Variants in NRDC observed in about 807,000 individuals in gnomAD.
NRDC encodes nardilysin convertase.
NRDC carries 54 observed loss-of-function variants against 147.1 expected under a neutral mutation model. The ratio of observed to expected loss-of-function variants is 0.37; its 90% CI spans 0.29 to 0.46. The LOEUF is 0.46. Ranked by LOEUF, NRDC falls within the 20% of genes least tolerant of loss-of-function variation. The pLI, the probability that NRDC is intolerant of heterozygous loss-of-function variation, is 1.00. For missense variants in NRDC, 1,082 were observed against 1,370.6 expected (o/e 0.79, Z 3.33); for synonymous variants, 440 against 482.1 (o/e 0.91, Z 1.14).
At chr1:51,818,840 G>C (rs549433218) in intron 9 of NRDC, among the ~76,000 whole-genome samples, 2 of 152,236 alleles carry the variant, frequency 1.3e-5, no homozygotes, top group African/African-American at 2.4e-5. Context: ...GAATGTTTCT[G>C]CAATATTCAC....
rs1203836222 is a variant in NRDC at position 51,821,492 on chromosome 1, T to C, written c.1217+6A>G. The stretch of plus-strand genomic sequence containing the variant: ...GGTGTATGATGTATGAAAATAAATA[T>C]CTTACTTGTTTGGTATCTGAGAGAA... On this transcript the variant is annotated splice_donor_region_variant and intron_variant, in intron 8 of 30. Coordinates refer to ENST00000352171, the MANE Select transcript of NRDC (RefSeq NM_001101662.2). The C allele has an allele frequency of 1.9e-6, 3 of 1,571,866 alleles. No individual in the cohort carries two copies. Among genetic ancestry groups the C allele is most frequent in the Non-Finnish European group, 2.6e-6 (3 of 1,141,808 alleles).
chr1:51,812,152 T>A (rs1679752691), intron 14 of NRDC, 54 bp from the exon 15 acceptor site: 5 of 1,222,114 alleles, frequency 4.1e-6, no homozygotes, highest in Non-Finnish European at 6.1e-6. Context: ...TATATTTGAT[T>A]TACCACAACA....
chr1:51,819,014 T>C (rs1276760000), intron 9 of NRDC, among the ~76,000 whole-genome samples: 1 of 152,076 alleles, frequency 6.6e-6, no homozygotes, highest in Non-Finnish European at 1.5e-5. Flanking sequence ...CAGAAAGAAA[T>C]CTGGAGGCCG....
chr1:51,818,799 C>T (rs928308926), intron 9 of NRDC, among the ~76,000 whole-genome samples: 4 of 151,818 alleles, frequency 2.6e-5, no homozygotes, highest in Non-Finnish European at 2.9e-5. Context: ...AAAAATCTGC[C>T]GTGATAGAAT....
At chr1:51,871,847 C>A (rs1292449366) in intron 1 of NRDC, among the ~76,000 whole-genome samples, 1 of 152,064 alleles carries the variant, frequency 6.6e-6, no homozygotes, top group African/African-American at 2.4e-5. Context: ...TCATTCAGTT[C>A]TTTAAAAACA....
chr1:51,790,577 C>T lies in NRDC; in HGVS notation c.3124G>A (p.Glu1042Lys). Reference sequence around the variant, plus strand: ...AAGAGGTACTGCTGTGTAACCACTTCATTCCAGTTCCTATCCACCTCCTCC... The same window carrying T: ...AAGAGGTACTGCTGTGTAACCACTTTATTCCAGTTCCTATCCACCTCCTCC... The part of the protein sequence containing the change: ...LGEEVDRNWN[E>K]VVTQQYLFDR... Residue 1042 changes from glutamate (E) to lysine (K), a missense_variant, in exon 29 of 31, where the codon GAA (glutamate) becomes AAA (lysine). By Grantham distance (56) the Glu-to-Lys change is moderately conservative (BLOSUM62 1). Transcript: ENST00000352171. 1 of 1,614,104 alleles carries T rather than the reference C, an allele frequency of 6.2e-7. No homozygotes were observed. Among genetic ancestry groups the T allele is most frequent in the Non-Finnish European group, 8.5e-7 (1 of 1,179,932 alleles).
At chr1:51,836,710 C>T (rs944666683) in intron 2 of NRDC, among the ~76,000 whole-genome samples, 2 of 151,894 alleles carry the variant, frequency 1.3e-5, no homozygotes, top group Admixed American at 1.3e-4. Context: ...AATAAGATAA[C>T]ATTTTAGGAA....
intron 1 of NRDC, among the ~76,000 whole-genome samples, chr1:51,876,117 C>G (rs187459002): frequency 6.6e-6 from 1 of 152,272 alleles, no homozygotes; most frequent in East Asian, 1.9e-4. Context: ...GTAGCTGAAA[C>G]ACAGTGTAGA....
chr1:51,806,643 G>A (rs1469255388), intron 18 of NRDC, 151 bp downstream of exon 18: 5 of 662,068 alleles, frequency 7.6e-6, no homozygotes, highest in Non-Finnish European at 1.0e-5. Flanking sequence ...GGGAGGGTGA[G>A]AGGGCATCAA....
At position 51,813,040 on chromosome 1, in the gene NRDC, G is replaced by A. The variant is rs1015538336; in HGVS notation, c.1675-942C>T. 3.1e-4 allele frequency among the ~76,000 whole-genome samples: 47 copies of A among 151,718 alleles called. 1 individual carries two copies. The highest frequency in any genetic ancestry group is 1.1e-3 in the African/African-American group (46 of 41,306). ...CATGCCTGTGATCCTACCACTTTGG[G>A]AGGCCAATGAGGGAGGATAACTTGA... On this transcript the variant is annotated intron_variant, in intron 14 of 30. Coordinates refer to ENST00000352171, the MANE Select transcript of NRDC (RefSeq NM_001101662.2).
intron 4 of NRDC, among the ~76,000 whole-genome samples, chr1:51,831,124 A>C (rs1680687252): frequency 6.6e-6 from 1 of 152,210 alleles, no homozygotes; most frequent in Non-Finnish European, 1.5e-5. Context: ...AATAAAAATA[A>C]ATGTGTAAGG....
At chr1:51,829,431 G>A (rs1449324379) in intron 4 of NRDC, among the ~76,000 whole-genome samples, 3 of 152,202 alleles carry the variant, frequency 2.0e-5, no homozygotes, top group Admixed American at 6.5e-5. Context: ...TTCAGAGCAC[G>A]AAGTTGAGTA....
intron 8 of NRDC, among the ~76,000 whole-genome samples, chr1:51,820,882 T>G (rs1370711635): frequency 6.6e-6 from 1 of 152,248 alleles, no homozygotes; most frequent in East Asian, 1.9e-4. Context: ...TTGTAAACTT[T>G]GTAACAAAAA....
intron 14 of NRDC, among the ~76,000 whole-genome samples, chr1:51,813,014 TCATG>T (rs1401651704): frequency 1.4e-5 from 2 of 147,780 alleles, no homozygotes; most frequent in Non-Finnish European, 3.0e-5. Context: ...GCATGGTGGC[TCATG>T]CCTGTGATCC....
At chr1:51,877,942 C>T in intron 1 of NRDC, 3 of 995,686 alleles carry the variant, frequency 3.0e-6, no homozygotes, top group Non-Finnish European at 3.8e-6. Flanking sequence ...TATCCAACTC[C>T]GTCAACCTTT....
intron 1 of NRDC, among the ~76,000 whole-genome samples, chr1:51,841,379 C>T (rs1347172662): frequency 6.6e-6 from 1 of 152,132 alleles, no homozygotes; most frequent in Non-Finnish European, 1.5e-5. Context: ...ACGATCTCAG[C>T]TCACTGCAGC....
chr1:51,815,327 A>G (rs1679917943), intron 11 of NRDC, among the ~76,000 whole-genome samples: 2 of 151,802 alleles, frequency 1.3e-5, no homozygotes, highest in South Asian at 4.2e-4. Flanking sequence ...TGGCCTCACC[A>G]TTTTTGAACC....
chr1:51,832,629 C>T (rs774570996), intron 4 of NRDC, among the ~76,000 whole-genome samples: 2 of 152,082 alleles, frequency 1.3e-5, no homozygotes, highest in Non-Finnish European at 2.9e-5. Context: ...CTTTTTTCTA[C>T]TTTTCTACTT....
intron 25 of NRDC, 121 bp from the exon 26 acceptor site, chr1:51,792,219 T>C: frequency 3.6e-6 from 5 of 1,394,454 alleles, no homozygotes; most frequent in Non-Finnish European, 5.1e-6. Context: ...TTTTCCTAAT[T>C]GGCCCAGGCT....
Sources: gnomAD v4.1 joint callset for allele counts (sites outside exome capture counted in the v4.1 genomes callset) on GRCh38, gnomAD v4.1.1 for gene constraint, MANE v1.5 for transcripts, NCBI Gene and HGNC (gene_info 2026-07-23, HGNC 2026-07-21) for gene names.